Variants in SLC25A30 observed in about 807,000 individuals in gnomAD.
The protein encoded by SLC25A30 is kidney mitochondrial carrier protein 1.
Under a neutral mutation model 42.7 loss-of-function variants are expected in SLC25A30, and 29 were observed. The observed-to-expected ratio is 0.68, with a 90% confidence interval of 0.51 to 0.93. The LOEUF (loss-of-function observed/expected upper bound fraction) is 0.93. Ranked by LOEUF, SLC25A30 falls within the 40% of genes least tolerant of loss-of-function variation. The pLI, the probability that SLC25A30 is intolerant of heterozygous loss-of-function variation, is 0.00. For synonymous variants in SLC25A30, 124 were observed against 131.0 expected (o/e 0.95, Z 0.37); for missense variants, 300 against 359.7 (o/e 0.83, Z 1.34).
chr13:45,402,804 C>T (rs1339198193), intron 5 of SLC25A30: 2 of 985,292 alleles, frequency 2.0e-6, no homozygotes, highest in African/African-American at 3.5e-5. Context: ...ATTAGCTGCT[C>T]CAAGCCACTA....
intron 5 of SLC25A30, chr13:45,402,812 C>T: frequency 1.0e-6 from 1 of 985,428 alleles, no homozygotes; most frequent in Non-Finnish European, 1.2e-6. Context: ...CTCCAAGCCA[C>T]TACAGTCTCC....
the SLC25A30 span, among the ~76,000 whole-genome samples, chr13:45,424,118 T>TATATAA: frequency 2.0e-5 from 2 of 98,430 alleles, no homozygotes; most frequent in African/African-American, 9.0e-5. Flanking sequence ...TATATATAAA[T>TATATAA]ATATATAAAT....
the SLC25A30 span, among the ~76,000 whole-genome samples, chr13:45,424,990 A>G: frequency 4.1e-4 from 29 of 70,058 alleles, no homozygotes; most frequent in African/African-American, 2.0e-3. Flanking sequence ...ATAAAAATAT[A>G]TATAAATATA....
intron 1 of SLC25A30, among the ~76,000 whole-genome samples, chr13:45,415,185 G>C (rs1883411866): frequency 6.6e-6 from 1 of 152,118 alleles, no homozygotes; most frequent in African/African-American, 2.4e-5. Context: ...TTTCTTCACA[G>C]TCCTATGAAA....
In SLC25A30 at chr13:45,394,684, GA is replaced by G. The variant is rs1881184226; in HGVS notation, c.*1289del. 1.0e-6 allele frequency: 1 copy of G among 984,436 alleles called. No homozygotes were observed. Among genetic ancestry groups the G allele is most frequent in the Admixed American group, 6.2e-5 (1 of 16,206 alleles). The allele number at this position is 984,436 out of a possible 1,614,324, so 61.0% of individuals were successfully genotyped here. ...TGAAGCAGGTTAGAGTAAAGAATAA[GA>G]AAATAGAAAAAGAAAAAAAGAAGAG... is the stretch of plus-strand genomic sequence containing the variant. On this transcript the variant is annotated 3_prime_UTR_variant, in exon 10 of 10. Coordinates refer to ENST00000519676, the MANE Select transcript of SLC25A30 (RefSeq NM_001010875.4).
At chr13:45,416,308 T>C (rs1883528317) in intron 1 of SLC25A30, among the ~76,000 whole-genome samples, 1 of 151,998 alleles carries the variant, frequency 6.6e-6, no homozygotes, top group African/African-American at 2.4e-5. Context: ...TTCGGGAGGC[T>C]GAGGCAAGAG....
intron 2 of SLC25A30, among the ~76,000 whole-genome samples, chr13:45,409,275 A>G (rs1051681082): frequency 5.3e-5 from 8 of 152,046 alleles, no homozygotes; most frequent in African/African-American, 1.9e-4. Context: ...GCATAGATAT[A>G]TTTTCCTTTC....
At chr13:45,424,817 A>AAT in the SLC25A30 span, among the ~76,000 whole-genome samples, 1 of 60,236 alleles carries the variant, frequency 1.7e-5, no homozygotes, top group South Asian at 5.0e-4. Flanking sequence ...AAAAAATATA[A>AAT]ATATATAAAA....
rs544819896 is a variant in SLC25A30, at chr13:45,411,498, A to T, written c.-55-18T>A. ...TGTTTTTCCTGGACACAACAATAAG[A>T]TATTATCAAGCTGTAACTTCTCACA... On this transcript the variant is annotated intron_variant, in intron 1 of 9. Transcript: ENST00000519676. 3.9e-4 allele frequency: 576 copies of T among 1,469,874 alleles called. 2 individuals carry two copies. Among genetic ancestry groups the T allele is most frequent in the Middle Eastern group, 2.4e-3 (14 of 5,798 alleles). The allele number at this position is 1,469,874 out of a possible 1,614,324, so 91.1% of individuals were successfully genotyped here.
chr13:45,429,411 C>T, the SLC25A30 span, among the ~76,000 whole-genome samples: 1 of 151,884 alleles, frequency 6.6e-6, no homozygotes, highest in Non-Finnish European at 1.5e-5. Flanking sequence ...TGTATGTGTC[C>T]CCTAGAAAGC....
At chr13:45,413,552 T>C (rs969540302) in intron 1 of SLC25A30, among the ~76,000 whole-genome samples, 1 of 144,346 alleles carries the variant, frequency 6.9e-6, no homozygotes, top group Non-Finnish European at 1.5e-5. Context: ...TCAGACTCCA[T>C]CTCTTTTTTT....
rs376103317 is a variant in SLC25A30 at position 45,411,363 on chromosome 13, G to A, written c.63C>T (p.Cys21=). 72 of 1,612,464 alleles carry A rather than the reference G, an allele frequency of 4.5e-5. No individual in the cohort carries two copies. In the Middle Eastern group the frequency reaches 5.0e-4, roughly 11 times the overall value. The change falls in exon 2 of 10, where the codon TGC becomes TGT. Residue 21 remains cysteine, a splice_region_variant and synonymous_variant. Transcript: ENST00000519676. ...YGGLASITAE[C]GTFPIDLTKT... is the part of the protein sequence containing the mutation. The stretch of plus-strand genomic sequence containing the variant: ...GATCCACCACCCTCAGGTCCTTACC[G>A]CACTCAGCAGTGATGGAGGCCAGCC...
At chr13:45,413,953 T>C (rs1222756135) in intron 1 of SLC25A30, among the ~76,000 whole-genome samples, 3 of 152,224 alleles carry the variant, frequency 2.0e-5, no homozygotes, top group African/African-American at 7.2e-5. Context: ...TCTGGGTTAA[T>C]ACTAATATGC....
intron 1 of SLC25A30, chr13:45,411,759 T>C: frequency 1.3e-5 from 4 of 311,198 alleles, no homozygotes; most frequent in South Asian, 3.3e-5. Flanking sequence ...GTATTCAGTG[T>C]AGTGCAGCGG....
At chr13:45,425,817 A>G in the SLC25A30 span, among the ~76,000 whole-genome samples, 1 of 144,384 alleles carries the variant, frequency 6.9e-6, no homozygotes, top group Non-Finnish European at 1.5e-5. Context: ...CTCAGCCTCC[A>G]GAGTAGCTGG....
chr13:45,415,245 A>G (rs1883415788), intron 1 of SLC25A30, among the ~76,000 whole-genome samples: 1 of 152,120 alleles, frequency 6.6e-6, no homozygotes, highest in Non-Finnish European at 1.5e-5. Flanking sequence ...CTCAGAGAAG[A>G]AAAGTAACTT....
chr13:45,419,548 A>G (rs1281010245), upstream of SLC25A30, among the ~76,000 whole-genome samples: 1 of 147,900 alleles, frequency 6.8e-6, no homozygotes, highest in Non-Finnish European at 1.5e-5. Context: ...CGAACTCCCG[A>G]CCTCAGGTGA....
the SLC25A30 span, among the ~76,000 whole-genome samples, chr13:45,427,240 C>G: frequency 6.6e-6 from 1 of 152,160 alleles, no homozygotes; most frequent in Non-Finnish European, 1.5e-5. Context: ...TCCTGTCTCT[C>G]AATCCTCTGT....
At chr13:45,428,154 T>C in the SLC25A30 span, among the ~76,000 whole-genome samples, 1 of 152,106 alleles carries the variant, frequency 6.6e-6, no homozygotes, top group Non-Finnish European at 1.5e-5. Context: ...TCCCTGGGCA[T>C]TTTTTCTGCC....
Sources: gnomAD v4.1 joint callset for allele counts (sites outside exome capture counted in the v4.1 genomes callset) on GRCh38, gnomAD v4.1.1 for gene constraint, MANE v1.5 for transcripts, NCBI Gene and HGNC (gene_info 2026-07-23, HGNC 2026-07-21) for gene names.